RMDN1: variants seen among roughly 807,000 people sequenced by gnomAD.
RMDN1 encodes the protein regulator of microtubule dynamics 1, also known as regulator of microtubule dynamics protein 1.
RMDN1 carries 48 observed loss-of-function variants against 48.9 expected under a neutral mutation model. That is an observed-to-expected ratio of 0.98 (90% CI 0.78 to 1.25). RMDN1 has a LOEUF of 1.25. RMDN1 is among the 50% of genes most tolerant of loss of function. The pLI is 0.00. For synonymous variants in RMDN1, 148 were observed against 132.6 expected (o/e 1.12, Z -0.80); for missense variants, 418 against 373.4 (o/e 1.12, Z -0.98).
At chr8:86,479,084 A>G in intron 6 of RMDN1, 74 bp from the exon 7 acceptor site, 1 of 1,092,164 alleles carries the variant, frequency 9.2e-7, no homozygotes, top group Non-Finnish European at 1.4e-6. Flanking sequence ...AAGCATCTTA[A>G]TACTATAAAA....
chr8:86,496,628 C>T (rs1018121384), intron 2 of RMDN1, among the ~76,000 whole-genome samples: 4 of 152,090 alleles, frequency 2.6e-5, no homozygotes, highest in Non-Finnish European at 5.9e-5. Context: ...CATTGGAGCA[C>T]GCGGATTAAT....
At chr8:86,484,731 A>AG in intron 5 of RMDN1, 141 bp downstream of exon 5, 1 of 478,484 alleles carries the variant, frequency 2.1e-6, no homozygotes, top group East Asian at 3.5e-5. Flanking sequence ...AAAAAAAAAA[A>AG]AAAAGAAATA....
Position 86,474,829 on chromosome 8 carries a change from C to G in RMDN1, c.885G>C (p.Glu295Asp), listed in dbSNP as rs1813095859. Reference protein sequence around the residue: ...KAKDYPAHTEEDKQIQTEAAQ... With the variant: ...KAKDYPAHTEDDKQIQTEAAQ... ...ATGGGAGATGTTTTACCTGTTTATC[C>G]TCCTCTGTGTGTGCTGGATAGTCCT... The change falls in exon 9 of 10, where the codon GAG becomes GAC. Residue 295 changes from glutamate (E) to aspartate (D), a missense_variant. Coordinates refer to ENST00000406452, the MANE Select transcript of RMDN1 (RefSeq NM_016033.3). 2 of 1,607,362 alleles carry G rather than the reference C, an allele frequency of 1.2e-6. No individual in the cohort carries two copies. The highest frequency in any genetic ancestry group is 2.2e-5 in the East Asian group (1 of 44,782).
intron 2 of RMDN1, among the ~76,000 whole-genome samples, chr8:86,492,215 A>G (rs1289660199): frequency 1.3e-5 from 2 of 152,202 alleles, no homozygotes; most frequent in Non-Finnish European, 2.9e-5. Flanking sequence ...AAAACACACA[A>G]AAACAAACTA....
intron 2 of RMDN1, chr8:86,503,487 T>C (rs560572584): frequency 2.5e-5 from 5 of 199,272 alleles, no homozygotes; most frequent in Non-Finnish European, 1.0e-5. Flanking sequence ...GAGAAGGACA[T>C]TTTGAAGGTT....
chr8:86,485,058 C>A, intron 4 of RMDN1, 97 bp from the exon 5 acceptor site: 2 of 649,218 alleles, frequency 3.1e-6, no homozygotes, highest in Non-Finnish European at 5.1e-6. Flanking sequence ...CATTCTCATC[C>A]AACAAAAAGT....
At chr8:86,468,466 T>C (rs1036956003), downstream of RMDN1, 1 of 430,922 alleles carries the variant, frequency 2.3e-6, no homozygotes, top group Admixed American at 2.8e-5. Flanking sequence ...TGACAGGTTA[T>C]GTGATAGAGG....
intron 2 of RMDN1, among the ~76,000 whole-genome samples, chr8:86,496,154 T>C (rs1301042045): frequency 6.6e-6 from 1 of 152,016 alleles, no homozygotes; most frequent in Non-Finnish European, 1.5e-5. Flanking sequence ...CTTAAAGGAG[T>C]GCTAAACATG....
chr8:86,477,991 A>G (rs558072344), intron 7 of RMDN1: 5 of 151,758 alleles, frequency 3.3e-5, no homozygotes, highest in Admixed American at 2.6e-4. Context: ...GGCTCAAGTG[A>G]TCCTTCTCCC....
chr8:86,512,089 T>C (rs1319526309), upstream of RMDN1, among the ~76,000 whole-genome samples: 1 of 152,194 alleles, frequency 6.6e-6, no homozygotes, highest in African/African-American at 2.4e-5. Context: ...GGATTTAGAC[T>C]GTAGTTAAGG....
chr8:86,474,705 A>G (rs1326512254), intron 9 of RMDN1, 115 bp downstream of exon 9: 3 of 973,052 alleles, frequency 3.1e-6, no homozygotes, highest in Non-Finnish European at 5.0e-6. Flanking sequence ...AAATGAACAC[A>G]CTTGTTTTCA....
chr8:86,473,967 C>T lies in RMDN1; in HGVS notation c.*341G>A, dbSNP rs183164396. ...GAAAATCCATCCCCCTGTATATCCC[C>T]TATAGATCCATTTCCCCTCCTCTAC... On this transcript the variant is annotated 3_prime_UTR_variant, in exon 10 of 10. Coordinates refer to ENST00000406452, the MANE Select transcript of RMDN1 (RefSeq NM_016033.3). 3,386 of 1,061,656 alleles carry T rather than the reference C, an allele frequency of 3.2e-3. 8 individuals are homozygous for T. The highest frequency in any genetic ancestry group is 3.6e-3 in the Non-Finnish European group (3,136 of 877,808). 65.8% of individuals were successfully genotyped at this position (1,061,656 alleles called of 1,614,324 possible).
At position 86,505,000 on chromosome 8, in the gene RMDN1, C is replaced by T. The variant is rs79028359; in HGVS notation, c.247+1995G>A. The T allele has an allele frequency of 9.3e-4, 1,377 of 1,476,526 alleles. 10 individuals are homozygous for T. The African/African-American group carries it at 0.017, about 19-fold the overall frequency. 91.5% of individuals were successfully genotyped at this position (1,476,526 alleles called of 1,614,324 possible). ...AGGCAGGCACATGGTGCAGATAGAT[C>T]TGGGAAGGATGGCATCATGGAGATG... is the stretch of plus-strand genomic sequence containing the variant. On this transcript the variant is annotated intron_variant, in intron 2 of 9. Coordinates refer to ENST00000406452, the MANE Select transcript of RMDN1 (RefSeq NM_016033.3).
upstream of RMDN1, among the ~76,000 whole-genome samples, chr8:86,512,190 G>A (rs954458577): frequency 6.6e-6 from 1 of 152,036 alleles, no homozygotes; most frequent in Non-Finnish European, 1.5e-5. Context: ...CCATCCCCTT[G>A]CCTCTACTCT....
chr8:86,499,091 T>G (rs1817816066), intron 2 of RMDN1, among the ~76,000 whole-genome samples: 1 of 152,166 alleles, frequency 6.6e-6, no homozygotes, highest in African/African-American at 2.4e-5. Context: ...GAGCTATCTA[T>G]GACAAACCCA....
In RMDN1 at chr8:86,473,357, TA is replaced by T; in HGVS notation, c.*950del. 1.0e-6 allele frequency: 1 copy of T among 985,420 alleles called. No individual in the cohort carries two copies. The highest frequency in any genetic ancestry group is 4.7e-5 in the South Asian group (1 of 21,290). The allele number at this position is 985,420 out of a possible 1,614,324, so 61.0% of individuals were successfully genotyped here. A position where few individuals can be genotyped will look rare whatever the true frequency, so the allele number is the denominator to read the frequency against. On this transcript the variant is annotated 3_prime_UTR_variant, in exon 10 of 10. Coordinates refer to ENST00000406452, the MANE Select transcript of RMDN1 (RefSeq NM_016033.3). ...AGTGAGTAGCATAGTCCTGCCTATTTAAAAACATCTTAGTATTCCATTTCAC... is the reference window on the plus strand; with the variant it reads ...AGTGAGTAGCATAGTCCTGCCTATTTAAAACATCTTAGTATTCCATTTCAC...
In RMDN1 at chr8:86,508,636, G is replaced by C; in HGVS notation, c.-16C>G. Reference sequence around the variant, plus strand: ...CCAGCGCCATGACCTGCAACTTGCGGGCTGACCCTGCACTACTTCAGGCAG... The same window carrying C: ...CCAGCGCCATGACCTGCAACTTGCGCGCTGACCCTGCACTACTTCAGGCAG... On this transcript the variant is annotated 5_prime_UTR_variant, in exon 1 of 10. Transcript: ENST00000406452. 6.3e-7 allele frequency: 1 copy of C among 1,595,028 alleles called. No homozygotes were observed. Among genetic ancestry groups the C allele is most frequent in the Non-Finnish European group, 8.5e-7 (1 of 1,171,496 alleles).
At chr8:86,474,560 A>G (rs1341739014) in intron 9 of RMDN1, 3 of 698,632 alleles carry the variant, frequency 4.3e-6, no homozygotes, top group African/African-American at 3.6e-5. Context: ...TGTTTTAGAA[A>G]TGTTAACTCG....
intron 2 of RMDN1, among the ~76,000 whole-genome samples, chr8:86,506,482 G>A (rs772013000): frequency 2.0e-5 from 3 of 152,192 alleles, no homozygotes; most frequent in African/African-American, 4.8e-5. Flanking sequence ...GAGATAGTAT[G>A]AGTCAATGTA....
Sources: gnomAD v4.1 joint callset for allele counts (sites outside exome capture counted in the v4.1 genomes callset) on GRCh38, gnomAD v4.1.1 for gene constraint, MANE v1.5 for transcripts, NCBI Gene and HGNC (gene_info 2026-07-23, HGNC 2026-07-21) for gene names.